The following NEGR1 variants were observed in gnomAD, a reference collection of about 807,000 sequenced individuals.
NEGR1 encodes neuronal growth regulator 1.
In NEGR1, 10 loss-of-function variants were observed where a neutral mutation model predicts 40.9. The ratio of observed to expected loss-of-function variants is 0.24; its 90% CI spans 0.15 to 0.42. The LOEUF (loss-of-function observed/expected upper bound fraction) is 0.42, where lower values mean the gene tolerates loss of function less well. Among genes scored for constraint, NEGR1 ranks in the 10% least tolerant of loss-of-function variants. The pLI is 1.00. For missense variants in NEGR1, 352 were observed against 438.9 expected (o/e 0.80, Z 1.77); for synonymous variants, 185 against 166.8 (o/e 1.11, Z -0.84).
At chr1:71,879,133 C>CG (rs1570460431) in intron 2 of NEGR1, among the ~76,000 whole-genome samples, 1 of 120,608 alleles carries the variant, frequency 8.3e-6, no homozygotes, top group East Asian at 7.0e-4. Context: ...AACTCTGTCT[C>CG]GAAAAAAAAA....
chr1:71,534,867 C>G (rs1321923315), intron 6 of NEGR1, among the ~76,000 whole-genome samples: 2 of 151,558 alleles, frequency 1.3e-5, no homozygotes, highest in East Asian at 3.9e-4. Flanking sequence ...TTCTTATCCC[C>G]AAATTCCATT....
chr1:71,517,498 C>G (rs1458831999), intron 6 of NEGR1, among the ~76,000 whole-genome samples: 1 of 122,542 alleles, frequency 8.2e-6, no homozygotes, highest in Non-Finnish European at 1.6e-5. Context: ...TCAATAGATG[C>G]AGAAAAAGCC....
chr1:72,054,650 C>T (rs150097567), intron 1 of NEGR1, among the ~76,000 whole-genome samples: 2 of 151,240 alleles, frequency 1.3e-5, no homozygotes, highest in Non-Finnish European at 3.0e-5. Context: ...ATAGTGTCCA[C>T]CAAAAGCACA....
At chr1:72,087,834 G>T (rs1043827962) in intron 1 of NEGR1, among the ~76,000 whole-genome samples, 1 of 147,162 alleles carries the variant, frequency 6.8e-6, no homozygotes, top group Non-Finnish European at 1.5e-5. Context: ...GCACTAAAGA[G>T]ATCCTCTTGC....
chr1:71,692,514 C>G (rs988956990), intron 4 of NEGR1, among the ~76,000 whole-genome samples: 1 of 151,366 alleles, frequency 6.6e-6, no homozygotes, highest in African/African-American at 2.4e-5. Context: ...AAGGTGATGG[C>G]CATTTGTGAT....
intron 2 of NEGR1, among the ~76,000 whole-genome samples, chr1:71,824,840 GT>G (rs1422463282): frequency 1.3e-5 from 2 of 151,896 alleles, no homozygotes; most frequent in Admixed American, 6.6e-5. Context: ...TTTATTCTTA[GT>G]TATTACTGAT....
chr1:72,250,218 A>G (rs959019145), intron 1 of NEGR1, among the ~76,000 whole-genome samples: 10 of 152,100 alleles, frequency 6.6e-5, no homozygotes, highest in African/African-American at 2.2e-4. Context: ...CCACAGTATC[A>G]TAAGACAATT....
intron 1 of NEGR1, among the ~76,000 whole-genome samples, chr1:72,112,103 T>C (rs1257517761): frequency 6.6e-6 from 1 of 151,840 alleles, no homozygotes; most frequent in African/African-American, 2.4e-5. Context: ...AATTCATTTA[T>C]GTTTTATTCC....
rs185983823 is a variant in NEGR1, at chr1:71,776,061, G to T, written c.535+111C>A. 3.7e-3 allele frequency: 1,772 copies of T among 480,784 alleles called. 16 individuals carry two copies. Among genetic ancestry groups the T allele is most frequent in the Non-Finnish European group, 3.8e-3 (1,098 of 285,678 alleles). 29.8% of individuals were successfully genotyped at this position (480,784 alleles called of 1,614,324 possible). A position where few individuals can be genotyped will look rare whatever the true frequency, so the allele number is the denominator to read the frequency against. Reference sequence around the variant, plus strand: ...AATAAATGCATTCTGCCTACCGCATGAATAAAATACAAAAAATTAAGTTGA... The same window carrying T: ...AATAAATGCATTCTGCCTACCGCATTAATAAAATACAAAAAATTAAGTTGA... On this transcript the variant is annotated intron_variant, in intron 3 of 6. Coordinates refer to ENST00000357731, the MANE Select transcript of NEGR1 (RefSeq NM_173808.3).
At chr1:71,489,674 T>C (rs1476768849) in intron 6 of NEGR1, 1 of 151,770 alleles carries the variant, frequency 6.6e-6, no homozygotes, top group Admixed American at 6.6e-5. Flanking sequence ...GCTTTTTTCT[T>C]TTTTCTTTTT....
intron 6 of NEGR1, among the ~76,000 whole-genome samples, chr1:71,416,487 G>T (rs984306827): frequency 6.6e-6 from 1 of 151,694 alleles, no homozygotes; most frequent in Admixed American, 6.6e-5. Context: ...TTTGTTCTTC[G>T]ATTTTTCCAG....
At chr1:71,411,549 G>T (rs1378514896) in intron 6 of NEGR1, among the ~76,000 whole-genome samples, 2 of 152,120 alleles carry the variant, frequency 1.3e-5, no homozygotes, top group African/African-American at 4.8e-5. Context: ...AGTAAAATTA[G>T]GCAGTATAGG....
At chr1:71,431,662 C>T (rs1646470559) in intron 6 of NEGR1, among the ~76,000 whole-genome samples, 1 of 151,930 alleles carries the variant, frequency 6.6e-6, no homozygotes, top group African/African-American at 2.4e-5. Context: ...AGGGATATAG[C>T]AATGAACAAA....
intron 2 of NEGR1, among the ~76,000 whole-genome samples, chr1:71,916,544 GGA>G (rs1321281356): frequency 1.3e-5 from 2 of 152,148 alleles, no homozygotes; most frequent in African/African-American, 4.8e-5. Flanking sequence ...CCTGAGGTCA[GGA>G]CTTTGAGACC....
chr1:72,082,732 T>C (rs888837109), intron 1 of NEGR1, among the ~76,000 whole-genome samples: 1 of 151,026 alleles, frequency 6.6e-6, no homozygotes, highest in Non-Finnish European at 1.5e-5. Context: ...AAAAAACTAA[T>C]GGGTCATCCT....
At chr1:72,238,056 T>A (rs930373121) in intron 1 of NEGR1, among the ~76,000 whole-genome samples, 4 of 151,962 alleles carry the variant, frequency 2.6e-5, no homozygotes, top group Non-Finnish European at 5.9e-5. Flanking sequence ...CATAAGTTTT[T>A]ATGTGATTTA....
At chr1:72,199,023 T>C (rs1197297035) in intron 1 of NEGR1, among the ~76,000 whole-genome samples, 1 of 151,992 alleles carries the variant, frequency 6.6e-6, no homozygotes, top group Admixed American at 6.6e-5. Flanking sequence ...TGCATTACTA[T>C]TAACTAAGCC....
intron 1 of NEGR1, among the ~76,000 whole-genome samples, chr1:72,079,019 G>T (rs1288852669): frequency 6.7e-6 from 1 of 150,144 alleles, no homozygotes; most frequent in Non-Finnish European, 1.5e-5. Context: ...AATGATAAAT[G>T]AGGTTATTTA....
At chr1:71,781,974 TG>T (rs1220205692) in intron 2 of NEGR1, among the ~76,000 whole-genome samples, 1 of 152,168 alleles carries the variant, frequency 6.6e-6, no homozygotes, top group Non-Finnish European at 1.5e-5. Flanking sequence ...TGTACATTAG[TG>T]AGTGAATTTT....
Sources: allele counts gnomAD v4.1 joint callset (sites outside exome capture counted in the v4.1 genomes callset), GRCh38; gene constraint gnomAD v4.1.1; transcripts MANE v1.5; gene names NCBI Gene and HGNC (gene_info 2026-07-23, HGNC 2026-07-21).